Variants in GABRB2 observed in about 807,000 individuals in gnomAD.
GABRB2 encodes the protein gamma-aminobutyric acid receptor subunit beta-2.
A neutral mutation model predicts 54.7 loss-of-function variants in GABRB2; 16 were observed. The observed-to-expected ratio is 0.29, with a 90% CI of 0.20 to 0.44. GABRB2 has a LOEUF of 0.44. Among genes scored for constraint, GABRB2 ranks in the 20% least tolerant of loss-of-function variants. The pLI is 1.00. For missense variants in GABRB2, 355 were observed against 644.0 expected (o/e 0.55, Z 4.86); for synonymous variants, 244 against 233.8 (o/e 1.04, Z -0.40).
At chr5:161,478,955 C>T (rs574742133) in intron 3 of GABRB2, among the ~76,000 whole-genome samples, 21 of 152,006 alleles carry the variant, frequency 1.4e-4, no homozygotes, top group Non-Finnish European at 2.8e-4. Context: ...AGAGATCTGA[C>T]AGTAGTAAAA....
intron 3 of GABRB2, among the ~76,000 whole-genome samples, chr5:161,482,525 G>A (rs1758792799): frequency 6.6e-6 from 1 of 152,036 alleles, no homozygotes; most frequent in Non-Finnish European, 1.5e-5. Flanking sequence ...CTTTATTGTG[G>A]CCACTCAAAT....
chr5:161,543,825 CATA>C (rs1222765106), intron 3 of GABRB2, among the ~76,000 whole-genome samples: 1 of 152,134 alleles, frequency 6.6e-6, no homozygotes, highest in Non-Finnish European at 1.5e-5. Context: ...CACAGATTTT[CATA>C]ATGTGAGGGA....
intron 3 of GABRB2, among the ~76,000 whole-genome samples, chr5:161,464,128 C>T (rs1273095306): frequency 1.3e-5 from 2 of 151,582 alleles, no homozygotes; most frequent in African/African-American, 4.8e-5. Flanking sequence ...GTTTTTTTTC[C>T]TTTAGCAATG....
At chr5:161,384,787 A>T (rs1755573068) in intron 5 of GABRB2, among the ~76,000 whole-genome samples, 1 of 152,178 alleles carries the variant, frequency 6.6e-6, no homozygotes, top group African/African-American at 2.4e-5. Flanking sequence ...GGTGAACCCA[A>T]CAGATGAAAT....
At chr5:161,479,378 A>G (rs887478717) in intron 3 of GABRB2, among the ~76,000 whole-genome samples, 1 of 151,994 alleles carries the variant, frequency 6.6e-6, no homozygotes, top group Non-Finnish European at 1.5e-5. Context: ...TAGCATTTAC[A>G]CAGTACTTCT....
intron 3 of GABRB2, among the ~76,000 whole-genome samples, chr5:161,464,340 C>T (rs186821410): frequency 2.0e-5 from 3 of 151,918 alleles, no homozygotes; most frequent in African/African-American, 7.2e-5. Flanking sequence ...TAAAATGATG[C>T]TCAACACCAC....
At chr5:161,370,732 A>G (rs1162612754) in intron 5 of GABRB2, among the ~76,000 whole-genome samples, 1 of 152,188 alleles carries the variant, frequency 6.6e-6, no homozygotes, top group Non-Finnish European at 1.5e-5. Flanking sequence ...CCTGCCATGT[A>G]GGTGGCAATA....
Position 161,323,653 on chromosome 5 carries a change from G to A in GABRB2, c.1191+2715C>T, listed in dbSNP as rs1321074560. ...TTATTGATGGCTTTTGGAAAGAGAG[G>A]ATAGAGACTAGACATGGGATTTTGG... On this transcript the variant is annotated intron_variant, in intron 9 of 9. Coordinates refer to ENST00000393959, the MANE Select transcript of GABRB2 (RefSeq NM_001371727.1). Among the ~76,000 whole-genome samples the A allele has an allele frequency of 3.9e-5, 6 of 152,254 alleles. No homozygotes were observed. The East Asian group carries it at 1.2e-3, about 29-fold the overall frequency.
intron 3 of GABRB2, among the ~76,000 whole-genome samples, chr5:161,525,526 T>C (rs555181666): frequency 6.6e-6 from 1 of 151,436 alleles, no homozygotes; most frequent in Admixed American, 6.6e-5. Context: ...CTTCTCTTGA[T>C]ACATCAAATC....
At chr5:161,357,868 C>T (rs1270609126) in intron 5 of GABRB2, among the ~76,000 whole-genome samples, 4 of 152,212 alleles carry the variant, frequency 2.6e-5, no homozygotes, top group South Asian at 2.1e-4. Flanking sequence ...ATAGGGAAGG[C>T]TCCATGCATT....
intron 3 of GABRB2, among the ~76,000 whole-genome samples, chr5:161,499,733 G>A (rs1411287693): frequency 2.0e-5 from 3 of 152,148 alleles, no homozygotes; most frequent in Admixed American, 2.0e-4. Context: ...TAAAATAAAA[G>A]CATGGAAAGG....
chr5:161,446,529 T>G (rs1365831949), intron 4 of GABRB2, among the ~76,000 whole-genome samples: 1 of 152,090 alleles, frequency 6.6e-6, no homozygotes, highest in Non-Finnish European at 1.5e-5. Context: ...ATTCAACCCA[T>G]TAAATCATCA....
At chr5:161,514,496 G>A (rs1298483910) in intron 3 of GABRB2, among the ~76,000 whole-genome samples, 1 of 152,108 alleles carries the variant, frequency 6.6e-6, no homozygotes, top group African/African-American at 2.4e-5. Flanking sequence ...CTGACCTAGA[G>A]CAAATGCTTA....
chr5:161,330,177 G>A (rs960342563), intron 8 of GABRB2: 5 of 152,026 alleles, frequency 3.3e-5, no homozygotes, highest in Admixed American at 2.0e-4. Flanking sequence ...AAATAAACAG[G>A]GTTTATAGTT....
intron 5 of GABRB2, among the ~76,000 whole-genome samples, chr5:161,392,175 C>T (rs1020793661): frequency 6.6e-6 from 1 of 152,130 alleles, no homozygotes; most frequent in Non-Finnish European, 1.5e-5. Context: ...GCCTCATGCC[C>T]ATGGAGCCAA....
intron 8 of GABRB2, 118 bp downstream of exon 8, chr5:161,330,765 T>G: frequency 7.2e-7 from 1 of 1,390,006 alleles, no homozygotes; most frequent in East Asian, 2.3e-5. Flanking sequence ...TTGGGGAAAA[T>G]TACCCATTCT....
chr5:161,496,720 A>C (rs1026781698), intron 3 of GABRB2, among the ~76,000 whole-genome samples: 1 of 152,132 alleles, frequency 6.6e-6, no homozygotes, highest in Admixed American at 6.6e-5. Flanking sequence ...CATAATTTTA[A>C]CATCTGCAGA....
chr5:161,300,640 C>G (rs925175985), intron 9 of GABRB2, among the ~76,000 whole-genome samples: 1 of 152,160 alleles, frequency 6.6e-6, no homozygotes, highest in Non-Finnish European at 1.5e-5. Flanking sequence ...CACTTGAATG[C>G]ATATCAGACT....
intron 3 of GABRB2, among the ~76,000 whole-genome samples, chr5:161,533,169 T>A (rs147437420): frequency 3.9e-4 from 59 of 152,274 alleles, no homozygotes; most frequent in African/African-American, 1.2e-3. Context: ...GCCGATAGAA[T>A]GTGAACAAAG....
Sources: allele counts gnomAD v4.1 joint callset (sites outside exome capture counted in the v4.1 genomes callset), GRCh38; gene constraint gnomAD v4.1.1; transcripts MANE v1.5; gene names NCBI Gene and HGNC (gene_info 2026-07-23, HGNC 2026-07-21).